CDA: variants seen among roughly 807,000 people sequenced by gnomAD.
The protein encoded by CDA is cytidine deaminase.
A neutral mutation model predicts 15.0 loss-of-function variants in CDA; 7 were observed. That is an observed-to-expected ratio of 0.47 (90% confidence interval 0.26 to 0.87). The LOEUF (loss-of-function observed/expected upper bound fraction) is 0.87. Ranked by LOEUF, CDA falls within the 40% of genes least tolerant of loss-of-function variation. The pLI is 0.15. For synonymous variants in CDA, 58 were observed against 73.0 expected, an observed-to-expected ratio of 0.79 and a Z score of 1.05; for missense variants, 159 against 182.7, an observed-to-expected ratio of 0.87 and a Z score of 0.75.
intron 1 of CDA, among the ~76,000 whole-genome samples, chr1:20,590,468 C>T (rs1439842664): frequency 6.6e-6 from 1 of 152,130 alleles, no homozygotes; most frequent in Non-Finnish European, 1.5e-5. Flanking sequence ...TCACCACCAC[C>T]GCAAACACCA....
chr1:20,596,756 C>CTTTTTTT (rs61288769), intron 1 of CDA, among the ~76,000 whole-genome samples: 2 of 101,118 alleles, frequency 2.0e-5, no homozygotes, highest in Non-Finnish European at 3.8e-5. Context: ...CTGTTGATGT[C>CTTTTTTT]TTTTTTTTTT....
Position 20,613,971 on chromosome 1 carries a change from T to TGCAGGCATG in CDA, c.324+88_324+96dup, listed in dbSNP as rs200788433. ...GCAGGCTATGGGAGCCACGCCAAGT[T>TGCAGGCATG]GCAGGCATGGCAGGCATGGCAGGCG... On this transcript the variant is annotated intron_variant, in intron 3 of 3. Transcript: ENST00000375071. 6,812 of 1,399,700 alleles carry TGCAGGCATG rather than the reference T, an allele frequency of 4.9e-3. 42 individuals carry two copies. The highest frequency in any genetic ancestry group is 6.2e-3 in the Non-Finnish European group (6,132 of 987,862). The allele number at this position is 1,399,700 out of a possible 1,614,324, so 86.7% of individuals were successfully genotyped here. A position where few individuals can be genotyped will look rare whatever the true frequency, so the allele number is the denominator to read the frequency against.
intron 2 of CDA, among the ~76,000 whole-genome samples, chr1:20,613,611 G>A (rs139339083): frequency 8.5e-5 from 13 of 152,334 alleles, no homozygotes; most frequent in South Asian, 2.1e-4. Flanking sequence ...CTCAGTAAAC[G>A]TTTATGGATG....
chr1:20,600,764 A>C (rs1278695191), intron 1 of CDA, among the ~76,000 whole-genome samples: 1 of 151,504 alleles, frequency 6.6e-6, no homozygotes, highest in Non-Finnish European at 1.5e-5. Flanking sequence ...AAAAAAAAAA[A>C]AAAAAGAAAA....
chr1:20,590,677 G>A (rs964452543), intron 1 of CDA, among the ~76,000 whole-genome samples: 1 of 152,308 alleles, frequency 6.6e-6, no homozygotes, highest in Non-Finnish European at 1.5e-5. Flanking sequence ...GGGACTTTGT[G>A]CTGCAGAGGG....
Position 20,589,261 on chromosome 1 carries a change from C to T in CDA, c.132C>T (p.Thr44=), listed in dbSNP as rs1259702301. 4 of 1,614,030 alleles carry T rather than the reference C, an allele frequency of 2.5e-6. No individual in the cohort carries two copies. The South Asian group carries it at 4.4e-5, about 18-fold the overall frequency. ...SHFPVGAALL[T]QEGRIFKGCN... is the part of the protein sequence containing the mutation. ...TTCCTGTGGGGGCTGCCCTGCTCAC[C>T]CAGGAGGGGAGAATCTTCAAAGGTA... The change falls in exon 1 of 4, where the codon ACC becomes ACT. Residue 44 remains threonine, a synonymous_variant. Coordinates refer to ENST00000375071, the MANE Select transcript of CDA (RefSeq NM_001785.3).
At chr1:20,617,948 G>A (rs571712413) in intron 3 of CDA, among the ~76,000 whole-genome samples, 16 of 152,080 alleles carry the variant, frequency 1.1e-4, no homozygotes, top group African/African-American at 2.9e-4. Context: ...CGCCTGCCTC[G>A]GCCTCCCAAA....
chr1:20,590,269 G>A (rs2052536891), intron 1 of CDA, among the ~76,000 whole-genome samples: 1 of 152,200 alleles, frequency 6.6e-6, no homozygotes, highest in African/African-American at 2.4e-5. Context: ...AGGCAGAGAA[G>A]GAAACAGGTT....
At chr1:20,598,722 C>G (rs1280910127) in intron 1 of CDA, among the ~76,000 whole-genome samples, 2 of 152,160 alleles carry the variant, frequency 1.3e-5, no homozygotes, top group Non-Finnish European at 2.9e-5. Context: ...GGGGGCTGCC[C>G]CCTCACGACC....
intron 3 of CDA, among the ~76,000 whole-genome samples, chr1:20,616,066 G>A (rs560528722): frequency 3.7e-4 from 56 of 152,214 alleles, no homozygotes; most frequent in African/African-American, 1.2e-3. Context: ...AATGCATGTC[G>A]TTATTCCCAT....
chr1:20,594,212 C>T (rs116658066), intron 1 of CDA, among the ~76,000 whole-genome samples: 1,668 of 152,312 alleles, frequency 0.011, 30 homozygotes, highest in African/African-American at 0.038. Context: ...GCCTTGCTAT[C>T]GAGACTTCAT....
chr1:20,589,934 C>T (rs1196294280), intron 1 of CDA, among the ~76,000 whole-genome samples: 5 of 152,054 alleles, frequency 3.3e-5, no homozygotes, highest in Non-Finnish European at 7.4e-5. Flanking sequence ...GGGGCGGGGG[C>T]GGGTAATGGA....
chr1:20,612,670 C>T (rs1219158776), intron 2 of CDA, among the ~76,000 whole-genome samples: 1 of 152,134 alleles, frequency 6.6e-6, no homozygotes, highest in African/African-American at 2.4e-5. Context: ...CACACAAAGC[C>T]TGTTGGTGGG....
chr1:20,598,537 G>A (rs2052609812), intron 1 of CDA, among the ~76,000 whole-genome samples: 1 of 152,222 alleles, frequency 6.6e-6, no homozygotes, highest in African/African-American at 2.4e-5. Flanking sequence ...ATAGACTAGT[G>A]GTTTAAACAG....
chr1:20,616,978 T>G (rs2052818998), intron 3 of CDA, among the ~76,000 whole-genome samples: 1 of 152,178 alleles, frequency 6.6e-6, no homozygotes, highest in Non-Finnish European at 1.5e-5. Flanking sequence ...TGGCATCTAT[T>G]AATTGAACAC....
At position 20,590,358 on chromosome 1, in the gene CDA, T is replaced by A. The variant is rs146640049; in HGVS notation, c.154+1075T>A. Among the ~76,000 whole-genome samples the A allele has an allele frequency of 5.9e-3, 899 of 152,306 alleles. 11 individuals are homozygous for A. The highest frequency in any genetic ancestry group is 0.021 in the African/African-American group (877 of 41,566). ...CCTGACTCCAAAAGCTGTTGCTCTG[T>A]GGGGAGTGAAGGATCTCTGAGTACC... On this transcript the variant is annotated intron_variant, in intron 1 of 3. Transcript: ENST00000375071.
intron 2 of CDA, among the ~76,000 whole-genome samples, chr1:20,608,276 C>T (rs569286161): frequency 1.3e-5 from 2 of 152,166 alleles, no homozygotes; most frequent in Non-Finnish European, 2.9e-5. Context: ...GCTGCTTAGA[C>T]CCTGAGCCTG....
chr1:20,601,560 C>T (rs753837402), intron 1 of CDA, among the ~76,000 whole-genome samples: 5 of 152,186 alleles, frequency 3.3e-5, no homozygotes, highest in Non-Finnish European at 7.3e-5. Context: ...CCATCCCATG[C>T]ACCACTGTGA....
At chr1:20,602,538 C>G (rs2052654454) in intron 1 of CDA, among the ~76,000 whole-genome samples, 1 of 152,260 alleles carries the variant, frequency 6.6e-6, no homozygotes, top group South Asian at 2.1e-4. Flanking sequence ...ATTCTTCTGC[C>G]TCAGACTACT....
Sources: allele counts gnomAD v4.1 joint callset (sites outside exome capture counted in the v4.1 genomes callset), GRCh38; gene constraint gnomAD v4.1.1; transcripts MANE v1.5; gene names NCBI Gene and HGNC (gene_info 2026-07-23, HGNC 2026-07-21).